The following KMT5A variants were observed in gnomAD, a reference collection of about 807,000 sequenced individuals.
KMT5A encodes lysine methyltransferase 5A, also known as N-lysine methyltransferase KMT5A.
A neutral mutation model predicts 40.6 loss-of-function variants in KMT5A; 6 were observed. The ratio of observed to expected loss-of-function variants is 0.15; its 90% CI spans 0.08 to 0.29. The LOEUF is 0.29. KMT5A is among the 10% of genes least tolerant of loss of function. KMT5A has a pLI of 1.00. For synonymous variants in KMT5A, 153 were observed against 178.8 expected (o/e 0.86, Z 1.15); for missense variants, 308 against 459.1 (o/e 0.67, Z 3.01).
chr12:123,385,777 G>C (rs1876838708), intron 1 of KMT5A, among the ~76,000 whole-genome samples: 1 of 152,084 alleles, frequency 6.6e-6, no homozygotes, highest in African/African-American at 2.4e-5. Flanking sequence ...GCCTGAACCT[G>C]GGAGGTGGAG....
intron 4 of KMT5A, 33 bp from the exon 5 acceptor site, chr12:123,396,312 A>G (rs991083242): frequency 7.5e-6 from 12 of 1,607,314 alleles, no homozygotes; most frequent in Non-Finnish European, 9.4e-6. Context: ...TTCAGTCCTG[A>G]TATTTATTTT....
intron 7 of KMT5A, among the ~76,000 whole-genome samples, chr12:123,405,508 G>C (rs987910784): frequency 8.2e-6 from 1 of 122,696 alleles, no homozygotes. Flanking sequence ...TGCAATTATC[G>C]CCTGCTTCCT....
intron 1 of KMT5A, chr12:123,389,089 G>A (rs1877055869): frequency 7.4e-6 from 1 of 135,826 alleles, no homozygotes; most frequent in Non-Finnish European, 1.6e-5. Context: ...GGGCGCCGTG[G>A]GGCGCCGCCG....
chr12:123,390,671 G>T lies in KMT5A; in HGVS notation c.174G>T (p.Met58Ile). Residue 58 changes from methionine (M) to isoleucine (I), a missense_variant, in exon 3 of 8, where the codon ATG becomes ATT. Physicochemically the swap from Met to Ile is conservative, Grantham distance 10. Coordinates refer to ENST00000402868, the MANE Select transcript of KMT5A (RefSeq NM_020382.7). ...FTGQSKIYSYMSPNKCSGMRF... is the reference protein window; with the variant it reads ...FTGQSKIYSYISPNKCSGMRF... ...GGCAGTCAAAGATCTATTCCTACAT[G>T]AGCCCGAACAAATGCTCTGGAATGC... The T allele has an allele frequency of 1.9e-6, 3 of 1,613,906 alleles. No homozygotes were observed. Among genetic ancestry groups the T allele is most frequent in the Non-Finnish European group, 2.5e-6 (3 of 1,179,830 alleles).
rs907713964 is a variant in KMT5A at position 123,390,551 on chromosome 12, T to G, written c.133-79T>G. 2.6e-6 allele frequency: 4 copies of G among 1,532,416 alleles called. No individual in the cohort carries two copies. The African/African-American group carries it at 5.5e-5, about 21-fold the overall frequency. The allele number at this position is 1,532,416 out of a possible 1,614,324, so 94.9% of individuals were successfully genotyped here. A position where few individuals can be genotyped will look rare whatever the true frequency, so the allele number is the denominator to read the frequency against. ...AAAACGGTGTTGTCTGATTTTCATC[T>G]TTTGTATTCCTCCTCCTCGTGAATG... is the stretch of plus-strand genomic sequence containing the variant. On this transcript the variant is annotated intron_variant, in intron 2 of 7. Coordinates refer to ENST00000402868, the MANE Select transcript of KMT5A (RefSeq NM_020382.7).
At chr12:123,394,104 C>CTTTTTTTTTT (rs397711320) in intron 3 of KMT5A, among the ~76,000 whole-genome samples, 1 of 125,076 alleles carries the variant, frequency 8.0e-6, no homozygotes, top group African/African-American at 3.0e-5. Context: ...ATTTTTTTTT[C>CTTTTTTTTTT]TTTTTTTTTT....
chr12:123,392,379 C>T (rs548457090), intron 3 of KMT5A, among the ~76,000 whole-genome samples: 19 of 152,216 alleles, frequency 1.2e-4, no homozygotes, highest in African/African-American at 3.9e-4. Flanking sequence ...GGTCAGAGTC[C>T]GGGCATGGTG....
Position 123,403,584 on chromosome 12 carries a change from G to A in KMT5A, c.609G>A (p.Arg203=). 1 of 1,614,176 alleles carries A rather than the reference G, an allele frequency of 6.2e-7. No homozygotes were observed. The highest frequency in any genetic ancestry group is 8.5e-7 in the Non-Finnish European group (1 of 1,180,008). ...TTCTCTCTGCCCAGTCTGAAGAAAGGAAAAGAATAGATGAATTGATTGAAA... is the reference window on the plus strand; with the variant it reads ...TTCTCTCTGCCCAGTCTGAAGAAAGAAAAAGAATAGATGAATTGATTGAAA... ...KSKAELQSEE[R]KRIDELIESG... is the part of the protein sequence containing the mutation. The change falls in exon 6 of 8, where the codon AGG becomes AGA. Residue 203 remains arginine (R), a synonymous_variant. Coordinates refer to ENST00000402868, the MANE Select transcript of KMT5A (RefSeq NM_020382.7).
In KMT5A at chr12:123,403,637, G is replaced by A; in HGVS notation, c.657+5G>A. On this transcript the variant is annotated splice_donor_5th_base_variant and intron_variant, in intron 6 of 7. Transcript: ENST00000402868. Reference sequence around the variant, plus strand: ...GGGAAGGAAGAAGGAATGAAGGTAAGGGGCTGCTGTGCTTGCTGCATCATA... The same window carrying A: ...GGGAAGGAAGAAGGAATGAAGGTAAAGGGCTGCTGTGCTTGCTGCATCATA... 1.2e-6 allele frequency: 2 copies of A among 1,614,230 alleles called. No individual in the cohort carries two copies. The highest frequency in any genetic ancestry group is 1.7e-6 in the Non-Finnish European group (2 of 1,180,026).
At chr12:123,401,116 T>A (rs541118741) in intron 5 of KMT5A, among the ~76,000 whole-genome samples, 7 of 149,766 alleles carry the variant, frequency 4.7e-5, no homozygotes, top group South Asian at 2.1e-4. Flanking sequence ...TTGTTTTTTT[T>A]AAATCTATTC....
intron 5 of KMT5A, among the ~76,000 whole-genome samples, chr12:123,401,139 T>G (rs563844540): frequency 1.1e-4 from 11 of 100,166 alleles, no homozygotes; most frequent in Admixed American, 5.1e-4. Context: ...CCAATATATA[T>G]CTTTCTTTTT....
intron 7 of KMT5A, among the ~76,000 whole-genome samples, chr12:123,405,821 CT>C (rs568203599): frequency 2.2e-4 from 32 of 142,466 alleles, no homozygotes; most frequent in Admixed American, 3.5e-4. Context: ...CCCAGCTTCC[CT>C]TTTTTTTTTT....
chr12:123,405,550 C>T (rs1363547525), intron 7 of KMT5A, among the ~76,000 whole-genome samples: 11 of 102,944 alleles, frequency 1.1e-4, no homozygotes, highest in Non-Finnish European at 1.6e-4. Flanking sequence ...TTTTGAATCT[C>T]GATCTGTCGC....
Position 123,390,570 on chromosome 12 carries a change from G to C in KMT5A, c.133-60G>C, listed in dbSNP as rs1877226120. The C allele has an allele frequency of 9.2e-5, 144 of 1,571,044 alleles. 1 individual carries two copies. The South Asian group carries it at 1.6e-3, about 18-fold the overall frequency. ...TTCATCTTTTGTATTCCTCCTCCTC[G>C]TGAATGCTCTAGGATCTTCTTCTTC... On this transcript the variant is annotated intron_variant, in intron 2 of 7. Coordinates refer to ENST00000402868, the MANE Select transcript of KMT5A (RefSeq NM_020382.7).
chr12:123,384,132 G>C lies in KMT5A; in HGVS notation c.-67G>C, dbSNP rs894895716. 3.7e-6 allele frequency: 6 copies of C among 1,600,426 alleles called. No individual in the cohort carries two copies. Among genetic ancestry groups the C allele is most frequent in the Non-Finnish European group, 5.1e-6 (6 of 1,173,216 alleles). ...CTGGAGCCCGGCGGAGCAGTTGGCTGAGTTGTTGCAACTTTTTTCGAAAGC... is the reference window on the plus strand; with the variant it reads ...CTGGAGCCCGGCGGAGCAGTTGGCTCAGTTGTTGCAACTTTTTTCGAAAGC... On this transcript the variant is annotated 5_prime_UTR_variant, in exon 1 of 8. Coordinates refer to ENST00000402868, the MANE Select transcript of KMT5A (RefSeq NM_020382.7). The surrounding 1 kb of genome is among the most constrained non-coding windows in gnomAD (Gnocchi z 5.7).
At position 123,409,195 on chromosome 12, in the gene KMT5A, A is replaced by G. The variant is rs570892447; in HGVS notation, c.*1492A>G. Reference sequence around the variant, plus strand: ...CCCCCCGCTAGCCTGGTCAGTGGTCAGCAAATTGGAAGAGGATCCGATGGG... The same window carrying G: ...CCCCCCGCTAGCCTGGTCAGTGGTCGGCAAATTGGAAGAGGATCCGATGGG... On this transcript the variant is annotated 3_prime_UTR_variant, in exon 8 of 8. Coordinates refer to ENST00000402868, the MANE Select transcript of KMT5A (RefSeq NM_020382.7). 18 of 151,374 alleles carry G rather than the reference A, an allele frequency of 1.2e-4. No individual in the cohort carries two copies. In the East Asian group the frequency reaches 3.6e-3, roughly 30 times the overall value. 9.4% of individuals were successfully genotyped at this position (151,374 alleles called of 1,614,324 possible). A position where few individuals can be genotyped will look rare whatever the true frequency, so the allele number is the denominator to read the frequency against.
chr12:123,390,953 G>C lies in KMT5A; in HGVS notation c.289+167G>C, dbSNP rs149272071. The C allele has an allele frequency of 3.0e-5, 23 of 767,420 alleles. No homozygotes were observed. In the African/African-American group the frequency reaches 3.3e-4, roughly 11 times the overall value. The allele number at this position is 767,420 out of a possible 1,614,324, so 47.5% of individuals were successfully genotyped here. On this transcript the variant is annotated intron_variant, in intron 3 of 7. Transcript: ENST00000402868. ...CTGAAAGAATGGCTTGTCCCAGGGT[G>C]TGTGCCCTGTTGGTTTGACAGGTTT...
At chr12:123,403,672 G>A in intron 6 of KMT5A, 40 bp downstream of exon 6, 1 of 1,612,890 alleles carries the variant, frequency 6.2e-7, no homozygotes, top group Middle Eastern at 1.7e-4. Context: ...AGCTAAAGCT[G>A]GAAGAGCTCA....
At chr12:123,403,850 CA>C (rs1234575800) in intron 6 of KMT5A, among the ~76,000 whole-genome samples, 6 of 152,198 alleles carry the variant, frequency 3.9e-5, no homozygotes, top group African/African-American at 1.4e-4. Context: ...AAATGTTATC[CA>C]GGGGAAGCTT....
Sources: allele counts gnomAD v4.1 joint callset (sites outside exome capture counted in the v4.1 genomes callset), GRCh38; gene constraint gnomAD v4.1.1; non-coding constraint Gnocchi (gnomAD v3.1); transcripts MANE v1.5; gene names NCBI Gene and HGNC (gene_info 2026-07-23, HGNC 2026-07-21).